NKAIN2: variants seen among roughly 807,000 people sequenced by gnomAD.
NKAIN2 encodes the protein sodium/potassium transporting ATPase interacting 2.
In NKAIN2, 14 loss-of-function variants were observed where a neutral mutation model predicts 32.6. The ratio of observed to expected loss-of-function variants is 0.43; its 90% confidence interval spans 0.28 to 0.67. NKAIN2 has a LOEUF of 0.67. Ranked by LOEUF, NKAIN2 falls within the 30% of genes least tolerant of loss-of-function variation. NKAIN2 has a pLI of 0.17. For synonymous variants in NKAIN2, 80 were observed against 87.2 expected, an observed-to-expected ratio of 0.92 and a Z score of 0.46; for missense variants, 198 against 258.3, an observed-to-expected ratio of 0.77 and a Z score of 1.60.
At chr6:124,641,598 C>T (rs1359743381) in intron 3 of NKAIN2, among the ~76,000 whole-genome samples, 1 of 113,270 alleles carries the variant, frequency 8.8e-6, no homozygotes, top group Non-Finnish European at 1.6e-5. Flanking sequence ...GTTGCCCAGG[C>T]TGGAGTGCAG....
At chr6:124,622,967 G>A (rs147795570) in intron 3 of NKAIN2, among the ~76,000 whole-genome samples, 31 of 152,222 alleles carry the variant, frequency 2.0e-4, no homozygotes, top group Middle Eastern at 3.4e-3. Flanking sequence ...AAACAGGAAT[G>A]CCTGTACTCA....
intron 1 of NKAIN2, among the ~76,000 whole-genome samples, chr6:124,036,211 G>C (rs945636847): frequency 6.6e-6 from 1 of 152,108 alleles, no homozygotes; most frequent in African/African-American, 2.4e-5. Flanking sequence ...AAAAATCTTA[G>C]AGTATGGTTG....
rs1194667997 is a variant in NKAIN2, at chr6:124,118,817, G to T, written c.55-164188G>T. Among the ~76,000 whole-genome samples the T allele has an allele frequency of 2.6e-5, 4 of 152,106 alleles. No individual in the cohort carries two copies. The East Asian group carries it at 7.7e-4, about 29-fold the overall frequency. ...TGTACAGGCCGGAGTAAATATTTTG[G>T]TTTTGGAGGTCATATGTTCTCCATC... On this transcript the variant is annotated intron_variant, in intron 1 of 6. Coordinates refer to ENST00000368417, the MANE Select transcript of NKAIN2 (RefSeq NM_001040214.3).
intron 3 of NKAIN2, among the ~76,000 whole-genome samples, chr6:124,550,782 G>A (rs888502469): frequency 5.3e-5 from 8 of 152,180 alleles, no homozygotes; most frequent in Non-Finnish European, 1.0e-4. Flanking sequence ...ACTATTCATT[G>A]TAACAGGGAA....
intron 4 of NKAIN2, among the ~76,000 whole-genome samples, chr6:124,723,380 G>T (rs1442966042): frequency 6.6e-6 from 1 of 152,148 alleles, no homozygotes; most frequent in African/African-American, 2.4e-5. Flanking sequence ...GGAGGGGTGA[G>T]TATCACATAT....
At chr6:124,726,115 GCAGC>G (rs1193707156) in intron 4 of NKAIN2, among the ~76,000 whole-genome samples, 2 of 152,232 alleles carry the variant, frequency 1.3e-5, no homozygotes, top group Non-Finnish European at 2.9e-5. Flanking sequence ...CTGCAAGGCG[GCAGC>G]GAGCCTGGGG....
At chr6:124,229,295 G>A (rs1792297902) in intron 1 of NKAIN2, among the ~76,000 whole-genome samples, 1 of 152,116 alleles carries the variant, frequency 6.6e-6, no homozygotes, top group Admixed American at 6.6e-5. Context: ...TAAGTATTAA[G>A]TAGTTTCAAA....
chr6:123,853,670 G>A (rs1775442296), intron 1 of NKAIN2, among the ~76,000 whole-genome samples: 1 of 152,074 alleles, frequency 6.6e-6, no homozygotes, highest in South Asian at 2.1e-4. Context: ...ATGACAAAAA[G>A]GGGGGATGAT....
At chr6:124,750,081 C>T (rs1313666999) in intron 4 of NKAIN2, among the ~76,000 whole-genome samples, 1 of 151,864 alleles carries the variant, frequency 6.6e-6, no homozygotes, top group Non-Finnish European at 1.5e-5. Flanking sequence ...CTGAGACTTT[C>T]AGAAGCTCCT....
chr6:123,987,362 A>C lies in NKAIN2; in HGVS notation c.54+183108A>C, dbSNP rs1009431180. On this transcript the variant is annotated intron_variant, in intron 1 of 6. Transcript: ENST00000368417. Reference sequence around the variant, plus strand: ...TGGACATTACGTTTTGAAGGTATTGAAATTTTTCTAATGATCTGTTTTTGG... The same window carrying C: ...TGGACATTACGTTTTGAAGGTATTGCAATTTTTCTAATGATCTGTTTTTGG... Among the ~76,000 whole-genome samples, 5 of 152,168 alleles carry C rather than the reference A, an allele frequency of 3.3e-5. No homozygotes were observed. The East Asian group carries it at 5.8e-4, about 18-fold the overall frequency.
At chr6:124,682,575 T>C (rs903702115) in intron 4 of NKAIN2, among the ~76,000 whole-genome samples, 9 of 152,174 alleles carry the variant, frequency 5.9e-5, no homozygotes, top group Non-Finnish European at 1.3e-4. Flanking sequence ...AAAAGAATTG[T>C]ATAAGTAAAA....
chr6:124,474,456 A>G (rs1335915652), intron 3 of NKAIN2, among the ~76,000 whole-genome samples: 1 of 152,136 alleles, frequency 6.6e-6, no homozygotes, highest in African/African-American at 2.4e-5. Flanking sequence ...GTGATTCTTC[A>G]AACGGAACCA....
chr6:124,165,675 C>T (rs1582773151), intron 1 of NKAIN2, among the ~76,000 whole-genome samples: 1 of 133,770 alleles, frequency 7.5e-6, no homozygotes, highest in Admixed American at 7.9e-5. Context: ...CCTCCCCCTA[C>T]CCCACCACAG....
intron 4 of NKAIN2, among the ~76,000 whole-genome samples, chr6:124,788,816 C>T (rs1359199536): frequency 6.6e-6 from 1 of 151,876 alleles, no homozygotes; most frequent in Non-Finnish European, 1.5e-5. Context: ...AATCTGAAAC[C>T]CCTTTCTATA....
intron 3 of NKAIN2, among the ~76,000 whole-genome samples, chr6:124,436,511 A>G (rs1285602771): frequency 9.9e-5 from 15 of 152,210 alleles, no homozygotes; most frequent in Admixed American, 9.2e-4. Context: ...GTTTATTCAT[A>G]TATGAATGCT....
Position 124,683,043 on chromosome 6 carries a change from C to G in NKAIN2, c.474+24657C>G, listed in dbSNP as rs1204869409. Reference sequence around the variant, plus strand: ...ACTCTCTAAATAAAGAAAATACACACTGTTCTTGGATCAAGATTAGGCTTG... The same window carrying G: ...ACTCTCTAAATAAAGAAAATACACAGTGTTCTTGGATCAAGATTAGGCTTG... On this transcript the variant is annotated intron_variant, in intron 4 of 6. Coordinates refer to ENST00000368417, the MANE Select transcript of NKAIN2 (RefSeq NM_001040214.3). Among the ~76,000 whole-genome samples the G allele has an allele frequency of 2.0e-5, 3 of 152,336 alleles. 1 individual carries two copies. The South Asian group carries it at 6.2e-4, about 32-fold the overall frequency.
At chr6:123,981,979 G>T (rs903084109) in intron 1 of NKAIN2, among the ~76,000 whole-genome samples, 1 of 152,158 alleles carries the variant, frequency 6.6e-6, no homozygotes, top group Non-Finnish European at 1.5e-5. Flanking sequence ...GCAATTTTGT[G>T]TCCAGGGTTA....
In NKAIN2 at chr6:124,282,957, G is replaced by A. The variant is rs551777341; in HGVS notation, c.55-48G>A. 10 of 1,572,174 alleles carry A rather than the reference G, an allele frequency of 6.4e-6. No individual in the cohort carries two copies. In the African/African-American group the frequency reaches 8.1e-5, roughly 13 times the overall value. ...TTTATCCTTTTTTCCTCTCACCACT[G>A]TGCTGTTTCTCACATGCTGATCTGT... On this transcript the variant is annotated intron_variant, in intron 1 of 6. Coordinates refer to ENST00000368417, the MANE Select transcript of NKAIN2 (RefSeq NM_001040214.3).
intron 3 of NKAIN2, among the ~76,000 whole-genome samples, chr6:124,429,915 G>A (rs567828873): frequency 1.3e-5 from 2 of 152,204 alleles, no homozygotes; most frequent in South Asian, 4.2e-4. Context: ...TAGCATCGGG[G>A]ACAGAGCTGA....
Sources: allele counts gnomAD v4.1 joint callset (sites outside exome capture counted in the v4.1 genomes callset), GRCh38; gene constraint gnomAD v4.1.1; transcripts MANE v1.5; gene names NCBI Gene and HGNC (gene_info 2026-07-23, HGNC 2026-07-21).